HIVEP2: variants seen among roughly 807,000 people sequenced by gnomAD.
The protein encoded by HIVEP2 is HIVEP zinc finger 2.
In HIVEP2, 14 loss-of-function variants were observed where a neutral mutation model predicts 180.7. The ratio of observed to expected loss-of-function variants is 0.08; its 90% CI spans 0.05 to 0.12. The LOEUF is 0.12. Ranked by LOEUF, HIVEP2 falls within the 10% of genes least tolerant of loss-of-function variation. The pLI is 1.00. For synonymous variants in HIVEP2, 1,184 were observed against 1,136.4 expected, an observed-to-expected ratio of 1.04 and a Z score of -0.84; for missense variants, 2,579 against 3,008.5, an observed-to-expected ratio of 0.86 and a Z score of 3.34.
intron 1 of HIVEP2, among the ~76,000 whole-genome samples, chr6:142,882,828 T>A (rs1162174451): frequency 6.6e-6 from 1 of 152,100 alleles, no homozygotes; most frequent in Non-Finnish European, 1.5e-5. Context: ...TACCTCAATG[T>A]TTTAGGTTGG....
chr6:142,885,024 G>A (rs1776661231), intron 1 of HIVEP2, among the ~76,000 whole-genome samples: 1 of 152,146 alleles, frequency 6.6e-6, no homozygotes, highest in South Asian at 2.1e-4. Context: ...CACTAGGAAT[G>A]CTGGCACACC....
In HIVEP2 at chr6:142,839,365, C is replaced by T. The variant is rs145580742; in HGVS notation, c.-640-2318G>A. Among the ~76,000 whole-genome samples, 91 of 152,120 alleles carry T rather than the reference C, an allele frequency of 6.0e-4. 1 individual carries two copies. In the South Asian group the frequency reaches 9.3e-3, roughly 16 times the overall value. ...ACTTTTAATTTGTTTGTATTGCCTG[C>T]CTTACCAACCTGGGCAGGGGTTGGG... On this transcript the variant is annotated intron_variant, in intron 1 of 9. Coordinates refer to ENST00000367603, the MANE Select transcript of HIVEP2 (RefSeq NM_006734.4).
At chr6:142,755,385 C>T (rs141615746) in intron 9 of HIVEP2, among the ~76,000 whole-genome samples, 469 of 152,344 alleles carry the variant, frequency 3.1e-3, no homozygotes, top group South Asian at 0.023. Flanking sequence ...GGCACGTCTC[C>T]TTCATCAAAC....
intron 1 of HIVEP2, among the ~76,000 whole-genome samples, chr6:142,868,847 G>A (rs951430228): frequency 6.6e-6 from 1 of 152,150 alleles, no homozygotes. Flanking sequence ...AACCCATGTT[G>A]TTGAAAAATC....
intron 1 of HIVEP2, among the ~76,000 whole-genome samples, chr6:142,891,883 C>T (rs2128421206): frequency 6.6e-6 from 1 of 152,346 alleles, no homozygotes; most frequent in African/African-American, 2.4e-5. Context: ...AACTGGACTT[C>T]ATTAAGGAGT....
intron 1 of HIVEP2, among the ~76,000 whole-genome samples, chr6:142,898,720 G>T (rs909160409): frequency 3.3e-5 from 5 of 151,866 alleles, no homozygotes; most frequent in African/African-American, 9.7e-5. Flanking sequence ...TTTCTCAAAG[G>T]CCTGCTCATC....
rs774858478 is a variant in HIVEP2 at position 142,943,818 on chromosome 6, T to G, written c.-641+1281A>C. On this transcript the variant is annotated intron_variant, in intron 1 of 9. Transcript: ENST00000367603. The surrounding 1 kb of genome is among the most constrained non-coding windows in gnomAD (Gnocchi z 4.5). Reference sequence around the variant, plus strand: ...TGTCAGTTGCACACACAACTTCCTGTGTGAATGCTAAGCCATTACAGGTGT... The same window carrying G: ...TGTCAGTTGCACACACAACTTCCTGGGTGAATGCTAAGCCATTACAGGTGT... Among the ~76,000 whole-genome samples the G allele has an allele frequency of 2.6e-5, 4 of 152,224 alleles. No individual in the cohort carries two copies. Among genetic ancestry groups the G allele is most frequent in the Non-Finnish European group, 5.9e-5 (4 of 68,036 alleles).
At chr6:142,861,075 G>C (rs1478387912) in intron 1 of HIVEP2, among the ~76,000 whole-genome samples, 2 of 152,162 alleles carry the variant, frequency 1.3e-5, no homozygotes, top group Non-Finnish European at 2.9e-5. Context: ...TCAGATAGCA[G>C]AAACATCACA....
intron 1 of HIVEP2, among the ~76,000 whole-genome samples, chr6:142,886,781 T>C (rs1776708146): frequency 6.6e-6 from 1 of 152,174 alleles, no homozygotes; most frequent in South Asian, 2.1e-4. Flanking sequence ...AACAACACTG[T>C]TCTAACTTTT....
At position 142,773,941 on chromosome 6, in the gene HIVEP2, A is replaced by G. The variant is rs1361907489; in HGVS notation, c.798T>C (p.Asp266=). The change falls in exon 5 of 10, where the codon GAT becomes GAC. Residue 266 remains aspartate, a synonymous_variant. Transcript: ENST00000367603. ...CATCTGAATGTATTTCTGCTTCTAC[A>G]TCAATAAAACCAGCCTCTAGGTCCA... ...SKLDLEAGFI[D]VEAEIHSDGE... is the part of the protein sequence containing the mutation. The G allele has an allele frequency of 1.9e-6, 3 of 1,614,100 alleles. No homozygotes were observed. Among genetic ancestry groups the G allele is most frequent in the South Asian group, 1.1e-5 (1 of 91,086 alleles).
chr6:142,810,217 A>T (rs990042011), intron 2 of HIVEP2, among the ~76,000 whole-genome samples: 2 of 152,262 alleles, frequency 1.3e-5, no homozygotes, highest in African/African-American at 4.8e-5. Context: ...GATAGCAATT[A>T]TAATGACTAG....
chr6:142,820,297 T>TTCTCTCTCTCTCTCTCTCTCTC (rs3057563), intron 2 of HIVEP2, among the ~76,000 whole-genome samples: 61 of 148,388 alleles, frequency 4.1e-4, no homozygotes, highest in Admixed American at 1.0e-3. Context: ...TCGCTCTCTC[T>TTCTCTCTCTCTCTCTCTCTCTC]TCTCTCTCTC....
chr6:142,912,670 C>T (rs945656904), intron 1 of HIVEP2, among the ~76,000 whole-genome samples: 36 of 152,326 alleles, frequency 2.4e-4, no homozygotes, highest in Admixed American at 1.3e-3. Context: ...CTCATAGGAG[C>T]GTGAAACCGA....
intron 1 of HIVEP2, among the ~76,000 whole-genome samples, chr6:142,874,909 G>A (rs1174966751): frequency 6.6e-6 from 1 of 152,116 alleles, no homozygotes; most frequent in Non-Finnish European, 1.5e-5. Flanking sequence ...AGTGGTGAAT[G>A]AGTCAACAAA....
At chr6:142,936,120 A>G (rs1294078376) in intron 1 of HIVEP2, among the ~76,000 whole-genome samples, 1 of 152,042 alleles carries the variant, frequency 6.6e-6, no homozygotes, top group Non-Finnish European at 1.5e-5. Flanking sequence ...TCAAGAAGAA[A>G]AAAAAAGGAT....
At chr6:142,847,282 G>A (rs889849271) in intron 1 of HIVEP2, among the ~76,000 whole-genome samples, 1 of 152,024 alleles carries the variant, frequency 6.6e-6, no homozygotes, top group South Asian at 2.1e-4. Flanking sequence ...CCAAATCATC[G>A]TTCTGGCTCT....
chr6:142,854,083 T>C (rs1448603830), intron 1 of HIVEP2, among the ~76,000 whole-genome samples: 2 of 152,214 alleles, frequency 1.3e-5, no homozygotes. Flanking sequence ...ATTCAAGCTC[T>C]GTGTTGTTCA....
chr6:142,792,953 G>T (rs1206649834), intron 2 of HIVEP2, among the ~76,000 whole-genome samples: 8 of 152,118 alleles, frequency 5.3e-5, no homozygotes, highest in Non-Finnish European at 1.2e-4. Context: ...AAAGTAGAAG[G>T]TGAGGTCTGC....
chr6:142,897,767 C>T (rs1482944527), intron 1 of HIVEP2, among the ~76,000 whole-genome samples: 1 of 152,194 alleles, frequency 6.6e-6, no homozygotes, highest in Non-Finnish European at 1.5e-5. Flanking sequence ...ATCCATCAAA[C>T]TGTCTACATC....
Sources: gnomAD v4.1 joint callset for allele counts (sites outside exome capture counted in the v4.1 genomes callset) on GRCh38, gnomAD v4.1.1 for gene constraint, Gnocchi (gnomAD v3.1) non-coding constraint, MANE v1.5 for transcripts, NCBI Gene and HGNC (gene_info 2026-07-23, HGNC 2026-07-21) for gene names.